Variants in ITSN1 observed in about 807,000 individuals in gnomAD.
ITSN1 encodes the protein intersectin-1.
A neutral mutation model predicts 239.8 loss-of-function variants in ITSN1; 58 were observed. The observed-to-expected ratio is 0.24, with a 90% CI of 0.20 to 0.30. ITSN1 has a LOEUF of 0.30. Among genes scored for constraint, ITSN1 ranks in the 10% least tolerant of loss-of-function variants. The pLI is 1.00. For synonymous variants in ITSN1, 780 were observed against 770.8 expected, an observed-to-expected ratio of 1.01 and a Z score of -0.20; for missense variants, 1,558 against 2,103.3, an observed-to-expected ratio of 0.74 and a Z score of 5.07.
Position 33,650,380 on chromosome 21 carries a change from T to C in ITSN1, c.-33+7667T>C, listed in dbSNP as rs562211868. Among the ~76,000 whole-genome samples, 22 of 152,304 alleles carry C rather than the reference T, an allele frequency of 1.4e-4. No individual in the cohort carries two copies. In the South Asian group the frequency reaches 2.1e-3, roughly 14 times the overall value. On this transcript the variant is annotated intron_variant, in intron 1 of 39. Transcript: ENST00000381318. ...AGATTGGAATTGGAGCTCCAACGAATTGGAGCCATTCGTTTTGTGTGTGTG... is the reference window on the plus strand; with the variant it reads ...AGATTGGAATTGGAGCTCCAACGAACTGGAGCCATTCGTTTTGTGTGTGTG...
intron 1 of ITSN1, among the ~76,000 whole-genome samples, chr21:33,706,368 TC>T (rs2092247715): frequency 6.6e-6 from 1 of 152,114 alleles, no homozygotes; most frequent in African/African-American, 2.4e-5. Flanking sequence ...CCAGACATTT[TC>T]CCCACTTATA....
chr21:33,830,502 G>A (rs2074232435), intron 27 of ITSN1, among the ~76,000 whole-genome samples: 1 of 152,146 alleles, frequency 6.6e-6, no homozygotes, highest in Non-Finnish European at 1.5e-5. Context: ...CAGAGGACAT[G>A]GTGTGTGTAC....
At chr21:33,841,120 A>G (rs1175852532) in intron 29 of ITSN1, among the ~76,000 whole-genome samples, 1 of 152,232 alleles carries the variant, frequency 6.6e-6, no homozygotes, top group Non-Finnish European at 1.5e-5. Flanking sequence ...ATGTTAAGTC[A>G]CAAAATATCT....
intron 1 of ITSN1, among the ~76,000 whole-genome samples, chr21:33,709,581 C>A (rs2092354250): frequency 6.6e-6 from 1 of 152,168 alleles, no homozygotes; most frequent in African/African-American, 2.4e-5. Flanking sequence ...CGCGCCCAGC[C>A]TGTCTTTTGT....
chr21:33,835,235 C>A (rs1225529987), intron 28 of ITSN1, among the ~76,000 whole-genome samples: 1 of 152,138 alleles, frequency 6.6e-6, no homozygotes, highest in African/African-American at 2.4e-5. Flanking sequence ...GAGCCGCAGT[C>A]CCCACTGGGC....
chr21:33,767,650 C>A, intron 10 of ITSN1, 63 bp from the exon 11 acceptor site: 1 of 836,376 alleles, frequency 1.2e-6, no homozygotes, highest in Non-Finnish European at 1.9e-6. Context: ...TTCTTCATAA[C>A]TTGTCCAACT....
chr21:33,756,287 CA>C (rs923721086), intron 8 of ITSN1, among the ~76,000 whole-genome samples: 2,338 of 56,770 alleles, frequency 0.041, 19 homozygotes, highest in African/African-American at 0.13. Flanking sequence ...GACTCCGTCT[CA>C]AAAAAAAAAA....
At chr21:33,780,460 A>T (rs1023950020) in intron 14 of ITSN1, among the ~76,000 whole-genome samples, 1 of 151,560 alleles carries the variant, frequency 6.6e-6, no homozygotes, top group African/African-American at 2.4e-5. Context: ...TTTTATCAAG[A>T]TTTTTTTTTC....
intron 16 of ITSN1, among the ~76,000 whole-genome samples, chr21:33,784,484 C>A (rs2070481976): frequency 6.6e-6 from 1 of 152,136 alleles, no homozygotes; most frequent in Non-Finnish European, 1.5e-5. Flanking sequence ...GCCTGGGCAA[C>A]AGAGTGAGAC....
intron 1 of ITSN1, among the ~76,000 whole-genome samples, chr21:33,655,355 A>C (rs1247050177): frequency 6.6e-6 from 1 of 152,206 alleles, no homozygotes; most frequent in Non-Finnish European, 1.5e-5. Flanking sequence ...CACAGTGTAC[A>C]GTATTATGTG....
At chr21:33,784,356 A>ACACACACACACACAC (rs2070465989) in intron 16 of ITSN1, among the ~76,000 whole-genome samples, 3 of 100,764 alleles carry the variant, frequency 3.0e-5, no homozygotes, top group Non-Finnish European at 6.9e-5. Context: ...CACACACACT[A>ACACACACACACACAC]GTCAGGTATG....
At chr21:33,812,117 T>TA (rs1401127745) in intron 21 of ITSN1, among the ~76,000 whole-genome samples, 1 of 152,200 alleles carries the variant, frequency 6.6e-6, no homozygotes, top group African/African-American at 2.4e-5. Context: ...CTGAAGGCGC[T>TA]AAAGAAGGTC....
intron 11 of ITSN1, 113 bp downstream of exon 11, chr21:33,767,941 C>T (rs2068839017): frequency 1.7e-6 from 1 of 593,590 alleles, no homozygotes; most frequent in Non-Finnish European, 2.9e-6. Flanking sequence ...ACATTTTTGC[C>T]TTGTAACTTA....
intron 4 of ITSN1, among the ~76,000 whole-genome samples, chr21:33,733,290 G>T (rs1439978360): frequency 6.6e-6 from 1 of 152,104 alleles, no homozygotes; most frequent in African/African-American, 2.4e-5. Flanking sequence ...AGTTCAGTGA[G>T]AAGAAGAGGG....
chr21:33,722,632 C>T lies in ITSN1; in HGVS notation c.166C>T (p.Pro56Ser), dbSNP rs1371448009. 3 of 1,568,304 alleles carry T rather than the reference C, an allele frequency of 1.9e-6. No individual in the cohort carries two copies. The highest frequency in any genetic ancestry group is 4.7e-5 in the East Asian group (2 of 42,818). The change falls in exon 4 of 40, where the codon CCT becomes TCT. Residue 56 changes from proline (P) to serine (S), a missense_variant. This residue lies in a region of ITSN1 where 982 missense variants were observed against 1,209.9 expected (regional missense o/e 0.81). Coordinates refer to ENST00000381318, the MANE Select transcript of ITSN1 (RefSeq NM_003024.3). Reference protein sequence around the residue: ...NFFFQSGLPQPVLAQIWALAD... With the variant: ...NFFFQSGLPQSVLAQIWALAD... Reference sequence around the variant, plus strand: ...TTTTTTTCAATCTGGGTTACCTCAACCTGTTTTAGCACAGATATGGTAAGT... The same window carrying T: ...TTTTTTTCAATCTGGGTTACCTCAATCTGTTTTAGCACAGATATGGTAAGT...
At chr21:33,713,521 C>T (rs571159936) in intron 1 of ITSN1, among the ~76,000 whole-genome samples, 57 of 342 alleles carry the variant, frequency 0.17, no homozygotes, top group African/African-American at 0.36. Context: ...GGATTACAGG[C>T]GTGAGCACCA....
intron 1 of ITSN1, among the ~76,000 whole-genome samples, chr21:33,690,638 G>A (rs1424105336): frequency 1.3e-5 from 2 of 148,488 alleles, no homozygotes; most frequent in Non-Finnish European, 3.0e-5. Context: ...GTGGATGCCT[G>A]TAATCTTAGC....
chr21:33,684,357 A>G (rs759701021), intron 1 of ITSN1, among the ~76,000 whole-genome samples: 1 of 152,182 alleles, frequency 6.6e-6, no homozygotes, highest in Non-Finnish European at 1.5e-5. Context: ...AAGACAGTCA[A>G]GGGGTTGTTT....
chr21:33,711,411 A>G (rs2092411405), intron 1 of ITSN1, among the ~76,000 whole-genome samples: 1 of 150,660 alleles, frequency 6.6e-6, no homozygotes, highest in African/African-American at 2.4e-5. Context: ...CCTTTCTTCT[A>G]CTTACTGTTG....
Sources: allele counts gnomAD v4.1 joint callset (sites outside exome capture counted in the v4.1 genomes callset), GRCh38; gene constraint gnomAD v4.1.1; regional missense constraint gnomAD v4.1.1; transcripts MANE v1.5; gene names NCBI Gene and HGNC (gene_info 2026-07-23, HGNC 2026-07-21).